KCNH7: variants seen among roughly 807,000 people sequenced by gnomAD.
KCNH7 encodes the protein potassium voltage-gated channel subfamily H member 7.
A neutral mutation model predicts 120.8 loss-of-function variants in KCNH7; 49 were observed. The ratio of observed to expected loss-of-function variants is 0.41; its 90% CI spans 0.32 to 0.51. The LOEUF (loss-of-function observed/expected upper bound fraction) is 0.51. KCNH7 is among the 20% of genes least tolerant of loss of function. KCNH7 has a pLI of 0.38. For synonymous variants in KCNH7, 547 were observed against 516.1 expected, an observed-to-expected ratio of 1.06 and a Z score of -0.81; for missense variants, 1,097 against 1,446.6, an observed-to-expected ratio of 0.76 and a Z score of 3.92.
chr2:162,539,080 A>G (rs984872130), intron 2 of KCNH7, among the ~76,000 whole-genome samples: 2 of 152,106 alleles, frequency 1.3e-5, no homozygotes, highest in Non-Finnish European at 2.9e-5. Flanking sequence ...TTCATTTAAT[A>G]AAATAGTTAG....
At chr2:162,767,709 A>G (rs936201417) in intron 2 of KCNH7, among the ~76,000 whole-genome samples, 30 of 152,206 alleles carry the variant, frequency 2.0e-4, no homozygotes, top group Admixed American at 1.2e-3. Flanking sequence ...TCTCAGTTTT[A>G]TCATATCCCA....
Position 162,384,714 on chromosome 2 carries a change from A to T in KCNH7, c.2936T>A (p.Ile979Lys). 1.9e-6 allele frequency: 3 copies of T among 1,612,544 alleles called. No homozygotes were observed. The highest frequency in any genetic ancestry group is 2.5e-6 in the Non-Finnish European group (3 of 1,178,912). ...ETVPTSGRMHIDKRSHSCKDI... is the reference protein window; with the variant it reads ...ETVPTSGRMHKDKRSHSCKDI... ...TTTGCAAGAGTGACTTCTTTTATCT[A>T]TGTGCATTCTTCCTGAGGTGGGCAC... The change falls in exon 13 of 16, where the codon ATA becomes AAA. Residue 979 changes from isoleucine (I) to lysine (K), a missense_variant. Ile to Lys is a moderately radical substitution (Grantham distance 102). Around this residue, in one of 8 missense-constraint regions of KCNH7, gnomAD observed 406 missense variants for 410.5 expected, o/e 0.99. Transcript: ENST00000332142.
At chr2:162,472,357 C>T (rs997418952) in intron 6 of KCNH7, among the ~76,000 whole-genome samples, 3 of 151,998 alleles carry the variant, frequency 2.0e-5, no homozygotes, top group African/African-American at 4.8e-5. Flanking sequence ...AGGGCTAATA[C>T]CCAGAATTTA....
chr2:162,678,108 C>T (rs1382924385), intron 2 of KCNH7, among the ~76,000 whole-genome samples: 2 of 150,938 alleles, frequency 1.3e-5, no homozygotes, highest in African/African-American at 2.4e-5. Context: ...TGTACACATA[C>T]ATACACGTGT....
At chr2:162,412,713 A>G (rs1334337212) in intron 9 of KCNH7, among the ~76,000 whole-genome samples, 2 of 152,158 alleles carry the variant, frequency 1.3e-5, no homozygotes, top group Admixed American at 6.6e-5. Flanking sequence ...GGAAAATGTC[A>G]TATAAGCTGT....
At chr2:162,748,423 C>T (rs527380585) in intron 2 of KCNH7, among the ~76,000 whole-genome samples, 1 of 152,210 alleles carries the variant, frequency 6.6e-6, no homozygotes, top group South Asian at 2.1e-4. Flanking sequence ...TTTAGTTTCT[C>T]ATTTTTCAGT....
At chr2:162,380,703 T>A (rs977759758) in intron 13 of KCNH7, among the ~76,000 whole-genome samples, 15 of 152,188 alleles carry the variant, frequency 9.9e-5, no homozygotes, top group Non-Finnish European at 2.1e-4. Context: ...TTTTAAATAT[T>A]GCTATGTTAC....
intron 6 of KCNH7, among the ~76,000 whole-genome samples, chr2:162,494,220 T>A (rs1690419286): frequency 6.6e-6 from 1 of 152,144 alleles, no homozygotes; most frequent in African/African-American, 2.4e-5. Context: ...TAGTAAAGGA[T>A]AATAAGAGGT....
intron 2 of KCNH7, among the ~76,000 whole-genome samples, chr2:162,670,636 T>C (rs957172994): frequency 1.3e-5 from 2 of 151,968 alleles, no homozygotes; most frequent in African/African-American, 4.8e-5. Context: ...ATAAGATTCA[T>C]ACTTTGTCAA....
In KCNH7 at chr2:162,470,236, G is replaced by A. The variant is rs996889039; in HGVS notation, c.1129-23793C>T. ...TGGAAAGTGAGGAGCCTCTCTGCCC[G>A]GCCGCCATCCCATCTAGGAAGTGAG... On this transcript the variant is annotated intron_variant, in intron 6 of 15. Coordinates refer to ENST00000332142, the MANE Select transcript of KCNH7 (RefSeq NM_033272.4). Among the ~76,000 whole-genome samples the A allele has an allele frequency of 3.3e-5, 5 of 151,720 alleles. No homozygotes were observed. The East Asian group carries it at 5.9e-4, about 18-fold the overall frequency.
intron 2 of KCNH7, among the ~76,000 whole-genome samples, chr2:162,580,555 A>G (rs181029266): frequency 2.5e-4 from 38 of 152,198 alleles, no homozygotes; most frequent in African/African-American, 8.9e-4. Flanking sequence ...ATTCACTTCA[A>G]TTTTGTTTGA....
intron 2 of KCNH7, among the ~76,000 whole-genome samples, chr2:162,791,975 GT>G (rs534822757): frequency 1.3e-4 from 19 of 148,276 alleles, no homozygotes; most frequent in East Asian, 3.9e-4. Context: ...AATTTATCGA[GT>G]TTTTTTTTTA....
intron 2 of KCNH7, among the ~76,000 whole-genome samples, chr2:162,741,214 CATGTTATTAGTTATACATATTAATAACAT>C (rs1178977838): frequency 2.1e-4 from 29 of 139,082 alleles, no homozygotes; most frequent in East Asian, 4.6e-4. Flanking sequence ...ATATTAATAA[CATGTTATTAGTTATACATATTAATAACAT>C]ATGTTATTAG....
chr2:162,411,249 C>T (rs949205430), intron 9 of KCNH7, among the ~76,000 whole-genome samples: 7 of 151,924 alleles, frequency 4.6e-5, no homozygotes, highest in African/African-American at 1.7e-4. Flanking sequence ...AAATGTGGCA[C>T]ATATATGCAA....
chr2:162,457,341 T>A (rs980702317), intron 6 of KCNH7, among the ~76,000 whole-genome samples: 30 of 152,002 alleles, frequency 2.0e-4, no homozygotes, highest in African/African-American at 7.0e-4. Flanking sequence ...GAGAAAAAAA[T>A]AAGGAATAAA....
chr2:162,793,268 G>A (rs929867601), intron 2 of KCNH7, among the ~76,000 whole-genome samples: 3 of 152,028 alleles, frequency 2.0e-5, no homozygotes, highest in Admixed American at 2.0e-4. Context: ...GACACCTAGA[G>A]GGGAACAACA....
chr2:162,752,903 A>AAAAAAGAAAAGAAAAGAAAAGAAAAC (rs1688612139), intron 2 of KCNH7, among the ~76,000 whole-genome samples: 1 of 32,026 alleles, frequency 3.1e-5, no homozygotes, highest in Non-Finnish European at 2.8e-4. Context: ...TACATCTCAG[A>AAAAAAGAAAAGAAAAGAAAAGAAAAC]AAAAGAAAAG....
chr2:162,377,093 T>C lies in KCNH7; in HGVS notation c.3131+2760A>G, dbSNP rs984996613. On this transcript the variant is annotated intron_variant, in intron 14 of 15. Coordinates refer to ENST00000332142, the MANE Select transcript of KCNH7 (RefSeq NM_033272.4). The stretch of plus-strand genomic sequence containing the variant: ...CGAAGCTAAACAGGGTAGACTCCAC[T>C]ATAGAACGTGTCCTGGGATTCTCGC... 4.6e-5 allele frequency among the ~76,000 whole-genome samples: 7 copies of C among 152,304 alleles called. No individual in the cohort carries two copies. The South Asian group carries it at 1.4e-3, about 32-fold the overall frequency.
At chr2:162,814,952 A>G (rs1473624531) in intron 2 of KCNH7, among the ~76,000 whole-genome samples, 1 of 151,944 alleles carries the variant, frequency 6.6e-6, no homozygotes, top group African/African-American at 2.4e-5. Context: ...CCACATACTT[A>G]TTTTCCTTAC....
Sources: gnomAD v4.1 joint callset for allele counts (sites outside exome capture counted in the v4.1 genomes callset) on GRCh38, gnomAD v4.1.1 for gene constraint, gnomAD v4.1.1 regional missense constraint, MANE v1.5 for transcripts, NCBI Gene and HGNC (gene_info 2026-07-23, HGNC 2026-07-21) for gene names.